SLC35F3: variants seen among roughly 807,000 people sequenced by gnomAD.
SLC35F3 encodes solute carrier family 35 member F3, also known as putative thiamine transporter SLC35F3.
Under a neutral mutation model 49.9 loss-of-function variants are expected in SLC35F3, and 25 were observed. The observed-to-expected ratio is 0.50, with a 90% CI of 0.37 to 0.70. The LOEUF (loss-of-function observed/expected upper bound fraction) is 0.70. Among genes scored for constraint, SLC35F3 ranks in the 30% least tolerant of loss-of-function variants. The pLI is 0.00. For missense variants in SLC35F3, 525 were observed against 639.8 expected, an observed-to-expected ratio of 0.82 and a Z score of 1.94; for synonymous variants, 275 against 265.4, an observed-to-expected ratio of 1.04 and a Z score of -0.35.
intron 2 of SLC35F3, among the ~76,000 whole-genome samples, chr1:233,983,373 C>G (rs1663216462): frequency 6.6e-6 from 1 of 152,126 alleles, no homozygotes. Context: ...TCATTTACAA[C>G]AGAATTGGAT....
intron 2 of SLC35F3, among the ~76,000 whole-genome samples, chr1:233,918,975 C>CAGA (rs1571978895): frequency 1.3e-5 from 2 of 152,170 alleles, no homozygotes; most frequent in East Asian, 3.9e-4. Flanking sequence ...AAAGTACACA[C>CAGA]AGATACATCA....
intron 4 of SLC35F3, among the ~76,000 whole-genome samples, chr1:234,315,217 G>A (rs4027082): frequency 0.56 from 84,639 of 152,096 alleles, 25,978 homozygotes; most frequent in African/African-American, 0.83. Context: ...ATGCCTCTGC[G>A]TTAGGGGTGG....
intron 5 of SLC35F3, among the ~76,000 whole-genome samples, chr1:234,318,244 A>C (rs1293421973): frequency 1.3e-5 from 2 of 152,186 alleles, no homozygotes; most frequent in Non-Finnish European, 2.9e-5. Flanking sequence ...AAGAAAATAA[A>C]AGTTTGGTGC....
chr1:234,029,420 C>T (rs956298799), intron 2 of SLC35F3, among the ~76,000 whole-genome samples: 1 of 152,144 alleles, frequency 6.6e-6, no homozygotes, highest in Non-Finnish European at 1.5e-5. Flanking sequence ...TCAATGGTGA[C>T]GGGTCTTACA....
chr1:234,008,714 C>A (rs576190468), intron 2 of SLC35F3, among the ~76,000 whole-genome samples: 23 of 152,192 alleles, frequency 1.5e-4, no homozygotes, highest in Non-Finnish European at 3.2e-4. Context: ...ACAGTGCCAT[C>A]TTTGCTCATT....
At chr1:234,293,263 G>A (rs1668537003) in intron 3 of SLC35F3, among the ~76,000 whole-genome samples, 1 of 152,254 alleles carries the variant, frequency 6.6e-6, no homozygotes. Context: ...AACTAGGAAG[G>A]CCTGTCGGGA....
intron 2 of SLC35F3, among the ~76,000 whole-genome samples, chr1:234,230,502 T>C (rs1032296715): frequency 2.6e-5 from 4 of 152,200 alleles, no homozygotes; most frequent in Non-Finnish European, 5.9e-5. Flanking sequence ...TTCTGGAAAT[T>C]TGCATCCATC....
chr1:234,143,289 T>TTTTCTTTTC (rs199561396), intron 2 of SLC35F3, among the ~76,000 whole-genome samples: 1 of 78,154 alleles, frequency 1.3e-5, no homozygotes, highest in Non-Finnish European at 2.0e-5. Context: ...TTTTCTTTTC[T>TTTTCTTTTC]TTTTTTTTTT....
chr1:234,258,440 C>T (rs1274611883), intron 3 of SLC35F3, among the ~76,000 whole-genome samples: 2 of 152,346 alleles, frequency 1.3e-5, no homozygotes, highest in East Asian at 1.9e-4. Context: ...AATATTGTGA[C>T]TATCCCTACA....
At chr1:234,285,217 A>T (rs1408184840) in intron 3 of SLC35F3, 12 of 409,904 alleles carry the variant, frequency 2.9e-5, no homozygotes, top group South Asian at 2.2e-4. Context: ...AACATGATCA[A>T]GGACATTTCA....
chr1:234,278,516 AGAG>A (rs1045220568), intron 3 of SLC35F3, among the ~76,000 whole-genome samples: 73 of 150,900 alleles, frequency 4.8e-4, no homozygotes, highest in African/African-American at 1.6e-3. Context: ...CGAAAAAAAA[AGAG>A]AAAAAACTAA....
intron 2 of SLC35F3, among the ~76,000 whole-genome samples, chr1:234,194,441 A>G (rs2102930977): frequency 6.6e-6 from 1 of 152,290 alleles, no homozygotes; most frequent in Non-Finnish European, 1.5e-5. Context: ...TTGGGGACTC[A>G]GGAGAGAGGG....
chr1:234,207,310 A>C (rs1666984943), intron 2 of SLC35F3, among the ~76,000 whole-genome samples: 1 of 74,002 alleles, frequency 1.4e-5, no homozygotes, highest in South Asian at 5.1e-4. Context: ...ATCTGGAATA[A>C]AGCAGGCAAT....
At chr1:234,022,575 A>C (rs1216052515) in intron 2 of SLC35F3, among the ~76,000 whole-genome samples, 2 of 152,196 alleles carry the variant, frequency 1.3e-5, no homozygotes, top group Non-Finnish European at 2.9e-5. Context: ...TCACATCTAG[A>C]AAATATCTTC....
At chr1:233,982,606 T>G in intron 2 of SLC35F3, among the ~76,000 whole-genome samples, 1 of 152,186 alleles carries the variant, frequency 6.6e-6, no homozygotes. Flanking sequence ...ACTCCTGACC[T>G]CAGGTGATCC....
chr1:234,066,188 T>A (rs532055515), intron 2 of SLC35F3, among the ~76,000 whole-genome samples: 25 of 152,296 alleles, frequency 1.6e-4, no homozygotes, highest in African/African-American at 5.5e-4. Flanking sequence ...AAGCACTGAG[T>A]TACTAGGACC....
intron 2 of SLC35F3, among the ~76,000 whole-genome samples, chr1:234,019,883 A>G (rs1454699484): frequency 6.6e-6 from 1 of 152,196 alleles, no homozygotes; most frequent in Non-Finnish European, 1.5e-5. Context: ...TGCCTAGTTA[A>G]CATTACAAAT....
chr1:233,982,297 C>G (rs1178803360), intron 2 of SLC35F3, among the ~76,000 whole-genome samples: 1 of 152,264 alleles, frequency 6.6e-6, no homozygotes, highest in Middle Eastern at 3.4e-3. Flanking sequence ...ACTATCAGTC[C>G]ACGTCTTTTG....
intron 2 of SLC35F3, among the ~76,000 whole-genome samples, chr1:233,978,975 G>T (rs1002488983): frequency 6.6e-6 from 1 of 151,710 alleles, no homozygotes; most frequent in Non-Finnish European, 1.5e-5. Flanking sequence ...GGCAGAGGTT[G>T]CAGTGAGCCG....
Sources: allele counts gnomAD v4.1 joint callset (sites outside exome capture counted in the v4.1 genomes callset), GRCh38; gene constraint gnomAD v4.1.1; transcripts MANE v1.5; gene names NCBI Gene and HGNC (gene_info 2026-07-23, HGNC 2026-07-21).